The following NT5DC3 variants were observed in gnomAD, a reference collection of about 807,000 sequenced individuals.
The protein encoded by NT5DC3 is 5'-nucleotidase domain containing 3.
NT5DC3 carries 42 observed loss-of-function variants against 67.8 expected under a neutral mutation model. That is an observed-to-expected ratio of 0.62 (90% CI 0.48 to 0.80). The LOEUF is 0.80. NT5DC3 is among the 30% of genes least tolerant of loss of function. The pLI, the probability that NT5DC3 is intolerant of heterozygous loss-of-function variation, is 0.00. For synonymous variants in NT5DC3, 237 were observed against 255.6 expected (o/e 0.93, Z 0.69); for missense variants, 570 against 696.4 (o/e 0.82, Z 2.04).
At chr12:103,759,049 A>G in the NT5DC3 span, 1 of 1,609,122 alleles carries the variant, frequency 6.2e-7, no homozygotes, top group African/African-American at 1.3e-5. Flanking sequence ...ATGAGAAGCA[A>G]TTTTCTTCGT....
intron 1 of NT5DC3, among the ~76,000 whole-genome samples, chr12:103,833,582 C>T (rs1888021092): frequency 6.6e-6 from 1 of 152,118 alleles, no homozygotes; most frequent in African/African-American, 2.4e-5. Context: ...CCACCCAGAA[C>T]TTTGAATAAA....
At chr12:103,789,099 C>A in intron 9 of NT5DC3, 180 bp from the exon 10 acceptor site, 1 of 584,164 alleles carries the variant, frequency 1.7e-6, no homozygotes, top group Non-Finnish European at 3.1e-6. Flanking sequence ...TTGTGTGAAG[C>A]CCAGTATCCA....
chr12:103,837,368 G>A (rs1181032628), intron 1 of NT5DC3, among the ~76,000 whole-genome samples: 1 of 152,240 alleles, frequency 6.6e-6, no homozygotes, highest in South Asian at 2.1e-4. Context: ...CCATGGTCTT[G>A]GGAATTAACA....
Position 103,797,470 on chromosome 12 carries a change from T to TA in NT5DC3, c.616-440dup, listed in dbSNP as rs59046659. On this transcript the variant is annotated intron_variant, in intron 5 of 13. Transcript: ENST00000392876. ...GGACAACAAGAGCAAAACTCTGCCT[T>TA]AAAAAAAAAAAAAAAAAGTAAAATG... Among the ~76,000 whole-genome samples the TA allele has an allele frequency of 1.8e-3, 248 of 138,282 alleles. 1 individual carries two copies. The highest frequency in any genetic ancestry group is 8.2e-3 in the Admixed American group (113 of 13,812). The allele number at this position is 138,282 out of a possible 152,430, so 90.7% of individuals were successfully genotyped here.
chr12:103,756,978 T>G, the NT5DC3 span, among the ~76,000 whole-genome samples: 1 of 116,958 alleles, frequency 8.6e-6, no homozygotes, highest in Admixed American at 9.9e-5. Context: ...TGGGCCTCAG[T>G]AGCCCAGAAG....
intron 9 of NT5DC3, among the ~76,000 whole-genome samples, chr12:103,789,713 A>C (rs536842163): frequency 2.0e-5 from 3 of 152,338 alleles, no homozygotes; most frequent in South Asian, 2.1e-4. Flanking sequence ...GCACTAGTTT[A>C]TGGTGGAAAT....
Position 103,815,006 on chromosome 12 carries a change from C to A in NT5DC3, c.324G>T (p.Val108=). The A allele has an allele frequency of 6.2e-7, 1 of 1,613,792 alleles. No individual in the cohort carries two copies. Among genetic ancestry groups the A allele is most frequent in the Non-Finnish European group, 8.5e-7 (1 of 1,179,820 alleles). ...IYGFDYDYTL[V]FYSKHLHTLI... ...GCGTGTGGAGGTGCTTTGAATAAAA[C>A]ACCAAGGTGTAATCATAATCGAAGC... Residue 108 remains valine, a synonymous_variant, in exon 2 of 14, where the codon GTG becomes GTT. Coordinates refer to ENST00000392876, the MANE Select transcript of NT5DC3 (RefSeq NM_001031701.3).
chr12:103,757,497 T>C, the NT5DC3 span, among the ~76,000 whole-genome samples: 21 of 152,350 alleles, frequency 1.4e-4, no homozygotes, highest in East Asian at 7.7e-4. Context: ...TAGAAGATGA[T>C]AGATCCAGAT....
intron 4 of NT5DC3, among the ~76,000 whole-genome samples, chr12:103,803,272 G>A (rs1886659780): frequency 6.6e-6 from 1 of 152,108 alleles, no homozygotes; most frequent in Admixed American, 6.5e-5. Flanking sequence ...GTTAAATGTA[G>A]CAACAACTTT....
chr12:103,840,717 C>A (rs1258613853), intron 1 of NT5DC3, among the ~76,000 whole-genome samples: 1 of 152,094 alleles, frequency 6.6e-6, no homozygotes, highest in Non-Finnish European at 1.5e-5. Flanking sequence ...ACAGCTTTCC[C>A]GACCGGGGAA....
the NT5DC3 span, chr12:103,763,738 C>T: frequency 1.1e-6 from 1 of 906,800 alleles, no homozygotes; most frequent in South Asian, 1.8e-5. Context: ...GGTAACAAGC[C>T]TAAAAGCCAG....
Position 103,773,746 on chromosome 12 carries a change from G to A in NT5DC3, c.*4083C>T, listed in dbSNP as rs1443839980. 6.6e-6 allele frequency: 1 copy of A among 152,354 alleles called. No homozygotes were observed. The highest frequency in any genetic ancestry group is 2.4e-5 in the African/African-American group (1 of 41,452). The allele number at this position is 152,354 out of a possible 1,614,324, so 9.4% of individuals were successfully genotyped here. A position where few individuals can be genotyped will look rare whatever the true frequency, so the allele number is the denominator to read the frequency against. ...AAGTGGAATTCAGTTCCAGTATTTAGCCCAGTCTCTGCTGCTTAAAAGGCC... is the reference window on the plus strand; with the variant it reads ...AAGTGGAATTCAGTTCCAGTATTTAACCCAGTCTCTGCTGCTTAAAAGGCC... On this transcript the variant is annotated 3_prime_UTR_variant, in exon 14 of 14. Transcript: ENST00000392876.
At chr12:103,793,661 A>G in intron 7 of NT5DC3, 149 bp from the exon 8 acceptor site, 1 of 646,742 alleles carries the variant, frequency 1.5e-6, no homozygotes, top group East Asian at 2.7e-5. Context: ...CCGGTGGAAC[A>G]CGGGTACATC....
chr12:103,809,223 G>A (rs769067696), intron 2 of NT5DC3, among the ~76,000 whole-genome samples: 9 of 152,238 alleles, frequency 5.9e-5, no homozygotes, highest in African/African-American at 9.6e-5. Flanking sequence ...TTGCAGTTAC[G>A]AGTGGAGCAC....
intron 1 of NT5DC3, among the ~76,000 whole-genome samples, chr12:103,818,095 C>T (rs966305673): frequency 2.6e-5 from 4 of 152,202 alleles, no homozygotes; most frequent in Admixed American, 2.6e-4. Flanking sequence ...CATGCATGTG[C>T]AGATTTTGCA....
At chr12:103,788,419 C>G (rs1204203298) in intron 10 of NT5DC3, among the ~76,000 whole-genome samples, 1 of 152,238 alleles carries the variant, frequency 6.6e-6, no homozygotes, top group Non-Finnish European at 1.5e-5. Context: ...GCACTCCAGC[C>G]TGGACAACAG....
downstream of NT5DC3, among the ~76,000 whole-genome samples, chr12:103,768,293 G>C (rs1361666131): frequency 2.7e-5 from 4 of 149,822 alleles, no homozygotes; most frequent in Non-Finnish European, 5.9e-5. Flanking sequence ...AAATTAGCCT[G>C]GCGTGGTGGT....
chr12:103,749,016 T>C, the NT5DC3 span: 1 of 1,614,006 alleles, frequency 6.2e-7, no homozygotes. Context: ...GGCCAGATGC[T>C]CCCAGAAGGG....
intron 12 of NT5DC3, among the ~76,000 whole-genome samples, chr12:103,785,024 C>T (rs1384940333): frequency 6.6e-6 from 1 of 152,166 alleles, no homozygotes; most frequent in Non-Finnish European, 1.5e-5. Flanking sequence ...CAGGTGCAGA[C>T]AGAACCAGCA....
Sources: gnomAD v4.1 joint callset for allele counts (sites outside exome capture counted in the v4.1 genomes callset) on GRCh38, gnomAD v4.1.1 for gene constraint, MANE v1.5 for transcripts, NCBI Gene and HGNC (gene_info 2026-07-23, HGNC 2026-07-21) for gene names.